ANXA6: variants seen among roughly 807,000 people sequenced by gnomAD.
The protein encoded by ANXA6 is 67 kDa calelectrin.
A neutral mutation model predicts 95.4 loss-of-function variants in ANXA6; 71 were observed. The observed-to-expected ratio is 0.74, with a 90% confidence interval of 0.61 to 0.91. The LOEUF is 0.91. Ranked by LOEUF, ANXA6 falls within the 40% of genes least tolerant of loss-of-function variation. ANXA6 has a pLI of 0.00. For synonymous variants in ANXA6, 289 were observed against 315.9 expected (o/e 0.91, Z 0.90); for missense variants, 830 against 876.4 (o/e 0.95, Z 0.67).
chr5:151,108,353 C>T, intron 23 of ANXA6, 102 bp downstream of exon 23: 1 of 1,088,964 alleles, frequency 9.2e-7, no homozygotes, highest in Non-Finnish European at 1.4e-6. Context: ...ACAGTGTTTA[C>T]TTTCCAGTAG....
Position 151,126,404 on chromosome 5 carries a change from C to A in ANXA6, c.1054G>T (p.Glu352Ter). The A allele has an allele frequency of 6.2e-7, 1 of 1,608,090 alleles. No individual in the cohort carries two copies. The highest frequency in any genetic ancestry group is 8.5e-7 in the Non-Finnish European group (1 of 1,177,226). ...MWELSAVARV[E>*]LKGTVRPAND... ...GCAGGAGGAGGGGAAGGTCTGACCT[C>A]TACTCGGGCCACTGCACTAAGTTCC... The change falls in exon 14 of 26, where the codon GAG becomes TAG. Residue 352 changes from glutamate (E) to a stop codon, truncating the protein, a stop_gained and splice_region_variant. Coordinates refer to ENST00000354546, the MANE Select transcript of ANXA6 (RefSeq NM_001155.5). LOFTEE classifies it high-confidence loss of function.
rs750547665 is a variant in ANXA6 at position 151,138,745 on chromosome 5, C to G, written c.251G>C (p.Arg84Pro). ...TGGCCTCATCAGGCCCACAATCAAC[C>G]GTTCAAACTTGCCCGTCAATTCATA... ...LKYELTGKFE[R>P]LIVGLMRPPA... Residue 84 changes from arginine to proline, a missense_variant, in exon 5 of 26, where the codon CGG (arginine) becomes CCG (proline). By Grantham distance (103) the Arg-to-Pro change is moderately radical (BLOSUM62 -2). Coordinates refer to ENST00000354546, the MANE Select transcript of ANXA6 (RefSeq NM_001155.5). The G allele has an allele frequency of 6.2e-7, 1 of 1,613,920 alleles. No individual in the cohort carries two copies. The highest frequency in any genetic ancestry group is 2.2e-5 in the East Asian group (1 of 44,886).
chr5:151,116,213 C>T (rs1245386940), intron 20 of ANXA6, among the ~76,000 whole-genome samples: 1 of 152,172 alleles, frequency 6.6e-6, no homozygotes, highest in Admixed American at 6.5e-5. Context: ...ACTCTCAATC[C>T]ATCAGTGCTC....
chr5:151,108,546 G>C lies in ANXA6; in HGVS notation c.1689C>G (p.Phe563Leu). ...AGTTGGTCATCTTGATGAACTCCTG[G>C]AAGACTGGCCACAAGAGAAGCCCCA... ...TRSYPHLRRV[F>L]QEFIKMTNYD... Residue 563 changes from phenylalanine (F) to leucine (L), a missense_variant, in exon 23 of 26, where the codon TTC becomes TTG. Coordinates refer to ENST00000354546, the MANE Select transcript of ANXA6 (RefSeq NM_001155.5). 6.2e-7 allele frequency: 1 copy of C among 1,613,882 alleles called. No individual in the cohort carries two copies. The highest frequency in any genetic ancestry group is 8.5e-7 in the Non-Finnish European group (1 of 1,179,816).
At chr5:151,146,700 C>T (rs895618791) in intron 2 of ANXA6, among the ~76,000 whole-genome samples, 1 of 152,226 alleles carries the variant, frequency 6.6e-6, no homozygotes, top group African/African-American at 2.4e-5. Flanking sequence ...CAAGTTTCTT[C>T]TCCCTGCCAA....
intron 1 of ANXA6, chr5:151,155,027 A>T (rs926947545): frequency 1.3e-5 from 2 of 152,048 alleles, no homozygotes; most frequent in Admixed American, 1.3e-4. Context: ...TGATGAGGAT[A>T]AAAAAAATTA....
chr5:151,132,951 C>G (rs1414866710), intron 9 of ANXA6, 143 bp downstream of exon 9: 4 of 656,874 alleles, frequency 6.1e-6, no homozygotes, highest in Non-Finnish European at 1.0e-5. Context: ...TTTGCACCAA[C>G]CTAATAAACT....
At chr5:151,132,362 T>G in intron 10 of ANXA6, 114 bp downstream of exon 10, 2 of 819,970 alleles carry the variant, frequency 2.4e-6, no homozygotes, top group Non-Finnish European at 3.8e-6. Context: ...CCACATGGTT[T>G]TCTCCTTCCC....
chr5:151,116,605 G>T (rs1019154206), intron 20 of ANXA6, among the ~76,000 whole-genome samples: 12 of 152,216 alleles, frequency 7.9e-5, no homozygotes, highest in African/African-American at 2.9e-4. Context: ...ATTGAGCACT[G>T]ATCATGTGTT....
chr5:151,150,266 T>TA (rs1766075928), intron 1 of ANXA6, among the ~76,000 whole-genome samples: 1 of 152,170 alleles, frequency 6.6e-6, no homozygotes, highest in South Asian at 2.1e-4. Flanking sequence ...CCCCAAGACT[T>TA]AGGGAAAATC....
Position 151,109,869 on chromosome 5 carries a change from A to C in ANXA6, c.1591-23T>G, listed in dbSNP as rs894981236. 8.6e-6 allele frequency: 13 copies of C among 1,510,534 alleles called. No homozygotes were observed. In the East Asian group the frequency reaches 3.0e-4, roughly 35 times the overall value. The allele number at this position is 1,510,534 out of a possible 1,614,324, so 93.6% of individuals were successfully genotyped here. On this transcript the variant is annotated intron_variant, in intron 21 of 25. Transcript: ENST00000354546. ...TTCCTGCAGAGCCCCAGTTGGAGCAAGGATTTGGGAGGGGAGACATGAGAA... is the reference window on the plus strand; with the variant it reads ...TTCCTGCAGAGCCCCAGTTGGAGCACGGATTTGGGAGGGGAGACATGAGAA...
intron 14 of ANXA6, among the ~76,000 whole-genome samples, chr5:151,125,431 A>C (rs539504223): frequency 6.6e-6 from 1 of 152,288 alleles, no homozygotes; most frequent in East Asian, 1.9e-4. Flanking sequence ...ATAAACTGAC[A>C]ATTTACCACA....
chr5:151,132,327 T>C (rs776555205), intron 10 of ANXA6, 149 bp downstream of exon 10: 46 of 669,494 alleles, frequency 6.9e-5, no homozygotes, highest in Non-Finnish European at 2.0e-5. Flanking sequence ...CATGCTGCCC[T>C]GGAGAAACCT....
chr5:151,139,093 G>A, intron 4 of ANXA6: 2 of 587,298 alleles, frequency 3.4e-6, no homozygotes, highest in South Asian at 4.2e-5. Flanking sequence ...CTATCTGGCA[G>A]TCCACAGAGT....
chr5:151,104,343 G>T lies in ANXA6; in HGVS notation c.1840-651C>A, dbSNP rs191311762. Among the ~76,000 whole-genome samples the T allele has an allele frequency of 3.9e-5, 6 of 152,382 alleles. No individual in the cohort carries two copies. The East Asian group carries it at 9.6e-4, about 24-fold the overall frequency. On this transcript the variant is annotated intron_variant, in intron 24 of 25. Coordinates refer to ENST00000354546, the MANE Select transcript of ANXA6 (RefSeq NM_001155.5). ...GCCCAAGGAGCAGGCACAGGGCATGGAATGTGTGGGCAGCCAGAGCTGCCT... is the reference window on the plus strand; with the variant it reads ...GCCCAAGGAGCAGGCACAGGGCATGTAATGTGTGGGCAGCCAGAGCTGCCT...
intron 23 of ANXA6, 21 bp downstream of exon 23, chr5:151,108,433 TC>T: frequency 6.2e-7 from 1 of 1,605,946 alleles, no homozygotes; most frequent in Middle Eastern, 1.7e-4. Context: ...CCCCAGCCCT[TC>T]CCTTAGTCCC....
rs754329697 is a variant in ANXA6, at chr5:151,147,864, A to T, written c.18+20T>A. 6.9e-6 allele frequency: 11 copies of T among 1,594,488 alleles called. No homozygotes were observed. In the Middle Eastern group the frequency reaches 9.9e-4, roughly 144 times the overall value. On this transcript the variant is annotated intron_variant, in intron 2 of 25. Transcript: ENST00000354546. ...CCAGAGAAGGCTGAGTACCACCTTC[A>T]GGAAAGAGAGGCCCCTTACCTGTGC...
intron 8 of ANXA6, 58 bp from the exon 9 acceptor site, chr5:151,133,245 C>G (rs1765569588): frequency 8.0e-7 from 1 of 1,242,286 alleles, no homozygotes; most frequent in Non-Finnish European, 1.2e-6. Flanking sequence ...ACAGGACACA[C>G]TGACCAAGCC....
rs368487738 is a variant in ANXA6, at chr5:151,118,798, G to A, written c.1438+502C>T. ...GCCCAGGCTGGTCTCGAAGTCCTGG[G>A]CTCAAGCAATCCGCCTGCCTGAGAC... On this transcript the variant is annotated intron_variant, in intron 18 of 25. Transcript: ENST00000354546. Among the ~76,000 whole-genome samples, 10 of 152,122 alleles carry A rather than the reference G, an allele frequency of 6.6e-5. 4 individuals are homozygous for A. The highest frequency in any genetic ancestry group is 1.9e-4 in the East Asian group (1 of 5,182).
Sources: allele counts gnomAD v4.1 joint callset (sites outside exome capture counted in the v4.1 genomes callset), GRCh38; gene constraint gnomAD v4.1.1; transcripts MANE v1.5; gene names NCBI Gene and HGNC (gene_info 2026-07-23, HGNC 2026-07-21).